The following ARSG variants were observed in gnomAD, a reference collection of about 807,000 sequenced individuals.
ARSG encodes arylsulfatase G, also known as ASG.
In ARSG, 37 loss-of-function variants were observed where a neutral mutation model predicts 50.5. The ratio of observed to expected loss-of-function variants is 0.73; its 90% CI spans 0.56 to 0.96. The LOEUF (loss-of-function observed/expected upper bound fraction) is 0.96. Ranked by LOEUF, ARSG falls within the 50% of genes least tolerant of loss-of-function variation. ARSG has a pLI of 0.00. For synonymous variants in ARSG, 225 were observed against 254.6 expected, an observed-to-expected ratio of 0.88 and a Z score of 1.11; for missense variants, 629 against 675.3, an observed-to-expected ratio of 0.93 and a Z score of 0.76.
chr17:68,424,391 C>T, downstream of ARSG: 1 of 529,450 alleles, frequency 1.9e-6, no homozygotes. Context: ...AATGTGCTCA[C>T]TAGAGGGTTC....
chr17:68,423,906 T>C (rs1451410523), downstream of ARSG, among the ~76,000 whole-genome samples: 4 of 152,332 alleles, frequency 2.6e-5, no homozygotes, highest in Admixed American at 6.5e-5. The surrounding 1 kb of genome is among the most constrained non-coding windows in gnomAD (Gnocchi z 4.4). Context: ...TATTTTATAG[T>C]AGTTACAGAC....
chr17:68,320,378 A>G (rs1463008579), intron 2 of ARSG, among the ~76,000 whole-genome samples: 1 of 152,180 alleles, frequency 6.6e-6, no homozygotes, highest in Non-Finnish European at 1.5e-5. Context: ...AGTAAAGATT[A>G]TCTGTTAAGA....
chr17:68,368,269 G>A (rs911879972), intron 6 of ARSG, among the ~76,000 whole-genome samples: 7 of 152,280 alleles, frequency 4.6e-5, no homozygotes, highest in Admixed American at 1.3e-4. Flanking sequence ...TCTGAAAAAC[G>A]GGGCTATGAT....
chr17:68,336,132 C>T (rs1254816677), intron 2 of ARSG, among the ~76,000 whole-genome samples: 1 of 149,130 alleles, frequency 6.7e-6, no homozygotes, highest in Admixed American at 6.7e-5. Flanking sequence ...CTCCTGACCT[C>T]AGGTGATCTG....
intron 7 of ARSG, among the ~76,000 whole-genome samples, 192 bp downstream of exon 7, chr17:68,368,936 C>T (rs1472087979): frequency 1.3e-5 from 2 of 152,210 alleles, no homozygotes; most frequent in African/African-American, 2.4e-5. Context: ...AGGCCAAGTC[C>T]CTGGAAAGGT....
chr17:68,442,616 G>A, the ARSG span, among the ~76,000 whole-genome samples: 1 of 152,178 alleles, frequency 6.6e-6, no homozygotes. Context: ...GAAACTGAGA[G>A]CCACAGGCAG....
chr17:68,286,303 A>G (rs1356800415), intron 1 of ARSG, among the ~76,000 whole-genome samples: 2 of 152,182 alleles, frequency 1.3e-5, no homozygotes, highest in African/African-American at 4.8e-5. Context: ...GTAACCCCTG[A>G]ATAGAGTTAG....
intron 8 of ARSG, among the ~76,000 whole-genome samples, chr17:68,380,210 CTCCT>C (rs1044281525): frequency 2.4e-4 from 35 of 148,892 alleles, no homozygotes; most frequent in South Asian, 4.3e-4. Context: ...ACCTTCCTTC[CTCCT>C]TCCTTCCTTC....
intron 1 of ARSG, among the ~76,000 whole-genome samples, chr17:68,301,338 A>C (rs2076408107): frequency 6.6e-6 from 1 of 152,204 alleles, no homozygotes; most frequent in Admixed American, 6.5e-5. Flanking sequence ...TATTACATGT[A>C]GATAATAAAT....
At chr17:68,296,427 A>G (rs147704978) in intron 1 of ARSG, among the ~76,000 whole-genome samples, 66 of 152,292 alleles carry the variant, frequency 4.3e-4, no homozygotes, top group African/African-American at 1.6e-3. Context: ...GGCAATGTTA[A>G]GCTTCCATTT....
chr17:68,447,108 A>G, the ARSG span, among the ~76,000 whole-genome samples: 1 of 152,288 alleles, frequency 6.6e-6, no homozygotes, highest in African/African-American at 2.4e-5. Context: ...TATAAGCAAT[A>G]ACTCCTTTTA....
At chr17:68,437,352 C>T in the ARSG span, among the ~76,000 whole-genome samples, 53,468 of 151,848 alleles carry the variant, frequency 0.35, 9,789 homozygotes, top group Middle Eastern at 0.47. Flanking sequence ...GTCAGGAGTT[C>T]GAGATCGGGC....
intron 6 of ARSG, among the ~76,000 whole-genome samples, chr17:68,366,673 A>ATGTGTG (rs555888280): frequency 3.4e-4 from 46 of 135,000 alleles, no homozygotes; most frequent in East Asian, 8.0e-4. Flanking sequence ...CTAGGAATTT[A>ATGTGTG]TGTATGTGTG....
chr17:68,439,911 G>T, the ARSG span, among the ~76,000 whole-genome samples: 12 of 152,110 alleles, frequency 7.9e-5, no homozygotes, highest in Non-Finnish European at 2.9e-5. Context: ...GGCAGAGAGA[G>T]CTAAGCAGTC....
At chr17:68,349,824 A>AG (rs370391872) in intron 4 of ARSG, among the ~76,000 whole-genome samples, 123 of 152,256 alleles carry the variant, frequency 8.1e-4, no homozygotes, top group African/African-American at 2.9e-3. Context: ...TGGAGGTTGC[A>AG]TGAGCTGAGA....
chr17:68,315,601 A>T (rs1555768228), intron 2 of ARSG, among the ~76,000 whole-genome samples: 1 of 151,782 alleles, frequency 6.6e-6, no homozygotes, highest in East Asian at 1.9e-4. Context: ...TGTGCTGTCC[A>T]AGCATAAGAG....
At chr17:68,331,182 T>C (rs2077726937) in intron 2 of ARSG, among the ~76,000 whole-genome samples, 1 of 24,922 alleles carries the variant, frequency 4.0e-5, no homozygotes, top group Admixed American at 4.4e-4. Context: ...ACAGGGTTTC[T>C]TTCTTTCTTT....
intron 2 of ARSG, among the ~76,000 whole-genome samples, chr17:68,310,282 A>G (rs1364921527): frequency 2.6e-5 from 4 of 152,144 alleles, no homozygotes; most frequent in African/African-American, 9.7e-5. Flanking sequence ...GTTTTTGGAG[A>G]ACAGAAGCGA....
intron 11 of ARSG, among the ~76,000 whole-genome samples, chr17:68,418,912 C>G (rs72841871): frequency 2.0e-5 from 3 of 151,704 alleles, no homozygotes; most frequent in Non-Finnish European, 4.4e-5. Flanking sequence ...TGTTTAGGAA[C>G]TCTTGTAATT....
Sources: allele counts gnomAD v4.1 joint callset (sites outside exome capture counted in the v4.1 genomes callset), GRCh38; gene constraint gnomAD v4.1.1; non-coding constraint Gnocchi (gnomAD v3.1); transcripts MANE v1.5; gene names NCBI Gene and HGNC (gene_info 2026-07-23, HGNC 2026-07-21).